TENM1: variants seen among roughly 807,000 people sequenced by gnomAD.
TENM1 encodes teneurin-1.
In TENM1, 35 loss-of-function variants were observed where a neutral mutation model predicts 174.8. That is an observed-to-expected ratio of 0.20 (90% CI 0.15 to 0.27). The LOEUF is 0.27. Ranked by LOEUF, TENM1 falls within the 10% of genes least tolerant of loss-of-function variation. The pLI is 1.00. For missense variants in TENM1, 1,633 were observed against 2,130.1 expected (o/e 0.77, Z 4.59); for synonymous variants, 781 against 798.7 (o/e 0.98, Z 0.37).
intron 3 of TENM1, among the ~76,000 whole-genome samples, chrX:124,789,429 A>C (rs1470513724): frequency 9.0e-6 from 1 of 111,025 alleles, no homozygotes; most frequent in Non-Finnish European, 1.9e-5. Context: ...AGAAAATGGG[A>C]TTTTCTTTTC....
chrX:124,997,359 TATTGGGGCAACTG>T, the TENM1 span, among the ~76,000 whole-genome samples: 32 of 111,235 alleles, frequency 2.9e-4, no homozygotes, highest in African/African-American at 9.5e-4. Flanking sequence ...TTTAAATTTA[TATTGGGGCAACTG>T]GATGCTCAAC....
chrX:124,413,850 CAT>C (rs1205149984), intron 25 of TENM1, among the ~76,000 whole-genome samples: 1 of 112,495 alleles, frequency 8.9e-6, no homozygotes, highest in Non-Finnish European at 1.9e-5. Flanking sequence ...GGAAACGTCA[CAT>C]GTGTTTAGAA....
chrX:124,858,166 A>G (rs775176952), intron 3 of TENM1, among the ~76,000 whole-genome samples: 1 of 112,586 alleles, frequency 8.9e-6, no homozygotes, highest in East Asian at 2.8e-4. Context: ...CCTTTGACAA[A>G]TGTTTGTACA....
chrX:124,836,850 CTTTG>C (rs746470506), intron 3 of TENM1, among the ~76,000 whole-genome samples: 25 of 112,103 alleles, frequency 2.2e-4, no homozygotes, highest in Non-Finnish European at 2.4e-4. Flanking sequence ...CCTCCCACGG[CTTTG>C]TTTTTTTGAG....
At chrX:124,561,914 G>T in intron 13 of TENM1, 97 bp from the exon 17 acceptor site, 1 of 879,611 alleles carries the variant, frequency 1.1e-6, no homozygotes, top group Non-Finnish European at 1.6e-6. Flanking sequence ...AACCATCTGG[G>T]CCCCATTCAG....
the TENM1 span, among the ~76,000 whole-genome samples, chrX:125,167,835 T>C: frequency 1.8e-5 from 2 of 111,933 alleles, no homozygotes; most frequent in Non-Finnish European, 3.8e-5. Flanking sequence ...CATGCACTAA[T>C]TGAATAGACT....
exon 28 of TENM1, chrX:124,392,164 G>A: frequency 3.3e-6 from 4 of 1,210,218 alleles, no homozygotes; most frequent in South Asian, 1.8e-5. Context: ...TTGAATAAAC[G>A]TCACCAATCC....
At chrX:124,494,215 A>C (rs749893492) in intron 20 of TENM1, among the ~76,000 whole-genome samples, 29 of 112,198 alleles carry the variant, frequency 2.6e-4, no homozygotes, top group African/African-American at 4.5e-4. Context: ...ATGCACATAC[A>C]AGTTGCTCTG....
chrX:124,615,569 T>A (rs1194173842), intron 11 of TENM1, among the ~76,000 whole-genome samples: 2 of 112,399 alleles, frequency 1.8e-5, no homozygotes, highest in Non-Finnish European at 3.8e-5. Context: ...TGAAACATCT[T>A]ACAAAAAGTA....
chrX:125,133,142 T>C, the TENM1 span, among the ~76,000 whole-genome samples: 2 of 110,969 alleles, frequency 1.8e-5, no homozygotes, highest in Non-Finnish European at 3.8e-5. Context: ...TACAGGCGTC[T>C]GCCACCACGC....
chrX:124,745,679 T>A (rs1458490215), intron 3 of TENM1, among the ~76,000 whole-genome samples: 2 of 110,809 alleles, frequency 1.8e-5, no homozygotes, highest in African/African-American at 3.3e-5. Context: ...GATTTTCATA[T>A]CCATATGCTT....
At chrX:124,615,589 C>A (rs2050380644) in intron 11 of TENM1, among the ~76,000 whole-genome samples, 1 of 112,029 alleles carries the variant, frequency 8.9e-6, no homozygotes, top group Non-Finnish European at 1.9e-5. Context: ...AACAATTTAT[C>A]CAAAACATCT....
intron 1 of TENM1, among the ~76,000 whole-genome samples, chrX:124,954,488 T>A (rs777693854): frequency 8.9e-6 from 1 of 111,817 alleles, no homozygotes; most frequent in Non-Finnish European, 1.9e-5. Context: ...TGAAGGGATG[T>A]GTTGTATAAA....
intron 4 of TENM1, among the ~76,000 whole-genome samples, chrX:124,732,567 A>G (rs1173291144): frequency 9.0e-6 from 1 of 111,694 alleles, no homozygotes; most frequent in Non-Finnish European, 1.9e-5. Context: ...AAACTGAAAC[A>G]CAGCCTGCTA....
At chrX:124,909,861 T>A (rs752638403) in intron 1 of TENM1, among the ~76,000 whole-genome samples, 1 of 112,211 alleles carries the variant, frequency 8.9e-6, no homozygotes, top group South Asian at 3.7e-4. Flanking sequence ...GAAATGTGTG[T>A]TGGGGTATTA....
chrX:124,859,714 T>C (rs1185022045), intron 3 of TENM1, among the ~76,000 whole-genome samples: 1 of 111,670 alleles, frequency 9.0e-6, no homozygotes, highest in Non-Finnish European at 1.9e-5. Flanking sequence ...TGAGAAAGGA[T>C]CCTGCCTGGA....
At chrX:125,007,931 CA>C in the TENM1 span, among the ~76,000 whole-genome samples, 2 of 111,651 alleles carry the variant, frequency 1.8e-5, no homozygotes, top group Non-Finnish European at 3.8e-5. Context: ...AAAAACACAC[CA>C]AAATATAAAG....
intron 21 of TENM1, among the ~76,000 whole-genome samples, chrX:124,482,444 T>C (rs1257391617): frequency 9.0e-6 from 1 of 111,064 alleles, no homozygotes; most frequent in Non-Finnish European, 1.9e-5. Flanking sequence ...GCCCCAGTTG[T>C]CAATTGAAAG....
chrX:124,811,682 T>TA (rs758676913), intron 3 of TENM1, among the ~76,000 whole-genome samples: 2 of 111,252 alleles, frequency 1.8e-5, no homozygotes, highest in South Asian at 7.5e-4. Flanking sequence ...CCAAGGGAAA[T>TA]AAAATCAGTA....
Sources: gnomAD v4.1 joint callset for allele counts (sites outside exome capture counted in the v4.1 genomes callset) on GRCh38, gnomAD v4.1.1 for gene constraint, MANE v1.5 for transcripts, NCBI Gene and HGNC (gene_info 2026-07-23, HGNC 2026-07-21) for gene names.